Variants in SH3PXD2A observed in about 807,000 individuals in gnomAD.
SH3PXD2A encodes the protein SH3 and PX domains 2A, also known as SH3 and PX domain-containing protein 2A.
Under a neutral mutation model 115.2 loss-of-function variants are expected in SH3PXD2A, and 32 were observed. The observed-to-expected ratio is 0.28, with a 90% CI of 0.21 to 0.37. The LOEUF is 0.37. Ranked by LOEUF, SH3PXD2A falls within the 10% of genes least tolerant of loss-of-function variation. The pLI, the probability that SH3PXD2A is intolerant of heterozygous loss-of-function variation, is 1.00. For missense variants in SH3PXD2A, 1,328 were observed against 1,498.7 expected (o/e 0.89, Z 1.88); for synonymous variants, 610 against 629.1 (o/e 0.97, Z 0.45).
chr10:103,739,703 C>T (rs144776229), intron 3 of SH3PXD2A, among the ~76,000 whole-genome samples: 4 of 152,282 alleles, frequency 2.6e-5, no homozygotes, highest in East Asian at 1.9e-4. Flanking sequence ...ATCCAGATGC[C>T]GCCCTAGGAA....
chr10:103,812,685 C>A (rs1343955390), intron 1 of SH3PXD2A, among the ~76,000 whole-genome samples: 3 of 152,146 alleles, frequency 2.0e-5, no homozygotes, highest in Admixed American at 2.0e-4. Context: ...GGCCAGCAGC[C>A]GCCTCCACAC....
At position 103,645,329 on chromosome 10, in the gene SH3PXD2A, G is replaced by A. The variant is rs2037020383; in HGVS notation, c.604+15654C>T. Among the ~76,000 whole-genome samples the A allele has an allele frequency of 2.0e-5, 3 of 152,292 alleles. No individual in the cohort carries two copies. In the South Asian group the frequency reaches 6.2e-4, roughly 32 times the overall value. On this transcript the variant is annotated intron_variant, in intron 8 of 14. Transcript: ENST00000369774. ...CTTCTGCTCTGCTAGAATCCTGTGC[G>A]GTGACTCAGCCTCTGGGCAATGTTC...
intron 1 of SH3PXD2A, among the ~76,000 whole-genome samples, chr10:103,825,154 G>A (rs2039417761): frequency 6.6e-6 from 1 of 152,162 alleles, no homozygotes; most frequent in Non-Finnish European, 1.5e-5. Flanking sequence ...TTCTGTGAAT[G>A]CATCCCTAGG....
intron 5 of SH3PXD2A, among the ~76,000 whole-genome samples, chr10:103,708,694 T>C (rs1793833419): frequency 6.6e-6 from 1 of 152,170 alleles, no homozygotes; most frequent in South Asian, 2.1e-4. Flanking sequence ...TGAGCCGCAA[T>C]CCTCAGCCTC....
intron 3 of SH3PXD2A, among the ~76,000 whole-genome samples, chr10:103,739,795 G>A (rs773107744): frequency 6.6e-6 from 1 of 152,202 alleles, no homozygotes; most frequent in Non-Finnish European, 1.5e-5. Context: ...TGAAAGCGGA[G>A]AAGAAGCTGT....
intron 5 of SH3PXD2A, among the ~76,000 whole-genome samples, chr10:103,704,874 AGCAG>A (rs1249173654): frequency 6.6e-6 from 1 of 152,158 alleles, no homozygotes; most frequent in African/African-American, 2.4e-5. Flanking sequence ...TGGCTGTCTG[AGCAG>A]GCAGCATGAC....
intron 1 of SH3PXD2A, among the ~76,000 whole-genome samples, chr10:103,840,087 G>C (rs111788290): frequency 2.0e-5 from 3 of 152,374 alleles, no homozygotes; most frequent in Middle Eastern, 3.4e-3. Context: ...AGAAATGATG[G>C]CGCCAACAAC....
At chr10:103,811,908 C>T (rs1335235010) in intron 1 of SH3PXD2A, among the ~76,000 whole-genome samples, 3 of 152,318 alleles carry the variant, frequency 2.0e-5, no homozygotes, top group Non-Finnish European at 2.9e-5. Flanking sequence ...TTAATGAGAA[C>T]GCAAGAACAA....
At chr10:103,613,344 C>A (rs906178436) in intron 11 of SH3PXD2A, among the ~76,000 whole-genome samples, 154 bp from the exon 12 acceptor site, 3 of 152,156 alleles carry the variant, frequency 2.0e-5, no homozygotes, top group Admixed American at 6.5e-5. Context: ...GAAATGGCAC[C>A]GAGGGTAGAT....
intron 3 of SH3PXD2A, among the ~76,000 whole-genome samples, chr10:103,762,849 T>G (rs1376102746): frequency 6.6e-6 from 1 of 152,124 alleles, no homozygotes; most frequent in African/African-American, 2.4e-5. Flanking sequence ...AGCAGTATAC[T>G]GGCTCCCCAC....
At chr10:103,782,191 C>T (rs141203311) in intron 2 of SH3PXD2A, among the ~76,000 whole-genome samples, 37 of 152,326 alleles carry the variant, frequency 2.4e-4, no homozygotes, top group African/African-American at 7.5e-4. Context: ...CAATGTTCCA[C>T]GCCGGTGCTA....
chr10:103,823,117 G>A (rs2039397568), intron 1 of SH3PXD2A, among the ~76,000 whole-genome samples: 1 of 152,184 alleles, frequency 6.6e-6, no homozygotes, highest in African/African-American at 2.4e-5. Flanking sequence ...ACAAAAGTGT[G>A]TCAAGTTATA....
chr10:103,801,773 G>A (rs1347870232), intron 1 of SH3PXD2A, among the ~76,000 whole-genome samples: 1 of 151,862 alleles, frequency 6.6e-6, no homozygotes. Flanking sequence ...GTGTGATCTC[G>A]GTTTACCGCA....
intron 8 of SH3PXD2A, among the ~76,000 whole-genome samples, chr10:103,635,696 C>T (rs1373679358): frequency 6.6e-6 from 1 of 152,232 alleles, no homozygotes; most frequent in East Asian, 1.9e-4. Context: ...TTAGGAGAAT[C>T]CCAAACTGGA....
rs138107978 is a variant in SH3PXD2A at position 103,680,556 on chromosome 10, C to T, written c.428-11904G>A. 5.7e-4 allele frequency among the ~76,000 whole-genome samples: 87 copies of T among 152,270 alleles called. 1 individual carries two copies. The East Asian group carries it at 0.014, about 25-fold the overall frequency. ...GTTCCCAAAGTGCTGGGATTACAGG[C>T]GTGAACCACCACACCCAGCAAACTC... On this transcript the variant is annotated intron_variant, in intron 6 of 14. Coordinates refer to ENST00000369774, the MANE Select transcript of SH3PXD2A (RefSeq NM_001394015.1).
chr10:103,672,811 G>A (rs2037481509), intron 6 of SH3PXD2A, among the ~76,000 whole-genome samples: 1 of 152,246 alleles, frequency 6.6e-6, no homozygotes. Context: ...AAAGCTGAAA[G>A]CAAAAGCAGT....
intron 2 of SH3PXD2A, among the ~76,000 whole-genome samples, chr10:103,777,422 C>T (rs2038890676): frequency 6.6e-6 from 1 of 152,230 alleles, no homozygotes; most frequent in Non-Finnish European, 1.5e-5. Context: ...AGGGGAGCTG[C>T]CCAGCTGGCG....
At chr10:103,687,003 C>T (rs1022896850) in intron 6 of SH3PXD2A, among the ~76,000 whole-genome samples, 1 of 152,182 alleles carries the variant, frequency 6.6e-6, no homozygotes, top group African/African-American at 2.4e-5. Context: ...CTGCCTCGGT[C>T]TCCCAAAGTG....
At chr10:103,808,197 C>T (rs1471070545) in intron 1 of SH3PXD2A, among the ~76,000 whole-genome samples, 1 of 152,078 alleles carries the variant, frequency 6.6e-6, no homozygotes, top group Non-Finnish European at 1.5e-5. Context: ...CCTGCTGTGG[C>T]CCACTGCACA....
Sources: gnomAD v4.1 joint callset for allele counts (sites outside exome capture counted in the v4.1 genomes callset) on GRCh38, gnomAD v4.1.1 for gene constraint, MANE v1.5 for transcripts, NCBI Gene and HGNC (gene_info 2026-07-23, HGNC 2026-07-21) for gene names.